The following FGF12 variants were observed in gnomAD, a reference collection of about 807,000 sequenced individuals.
FGF12 encodes the protein fibroblast growth factor 12.
Under a neutral mutation model 23.6 loss-of-function variants are expected in FGF12, and 14 were observed. That is an observed-to-expected ratio of 0.59 (90% CI 0.39 to 0.93). The LOEUF is 0.93. Ranked by LOEUF, FGF12 falls within the 40% of genes least tolerant of loss-of-function variation. The probability of loss-of-function intolerance (pLI) is 0.00; values close to 1 mark genes in which losing one functional copy is unlikely to be tolerated. For synonymous variants in FGF12, 62 were observed against 77.3 expected, an observed-to-expected ratio of 0.80 and a Z score of 1.04; for missense variants, 175 against 217.8, an observed-to-expected ratio of 0.80 and a Z score of 1.24.
chr3:192,523,170 G>A (rs1724863710), intron 2 of FGF12, among the ~76,000 whole-genome samples: 1 of 152,150 alleles, frequency 6.6e-6, no homozygotes, highest in East Asian at 1.9e-4. Flanking sequence ...GACTAGAAAT[G>A]TTATTTCTAA....
At chr3:192,675,605 T>G (rs1717301958) in intron 2 of FGF12, among the ~76,000 whole-genome samples, 1 of 152,048 alleles carries the variant, frequency 6.6e-6, no homozygotes, top group South Asian at 2.1e-4. Context: ...AGAATACAGG[T>G]TTTTATGCCT....
chr3:192,724,848 G>A (rs1233942924), intron 2 of FGF12, among the ~76,000 whole-genome samples: 5 of 152,172 alleles, frequency 3.3e-5, no homozygotes, highest in Admixed American at 6.5e-5. Context: ...AAGTGTTGGC[G>A]ATGGGATTCA....
At chr3:192,605,679 C>T (rs1714311009) in intron 2 of FGF12, among the ~76,000 whole-genome samples, 1 of 152,080 alleles carries the variant, frequency 6.6e-6, no homozygotes, top group East Asian at 1.9e-4. Flanking sequence ...TTTAAAAAGG[C>T]CCAACAAAAA....
chr3:192,433,628 A>G (rs1478593583), intron 2 of FGF12, among the ~76,000 whole-genome samples: 1 of 152,240 alleles, frequency 6.6e-6, no homozygotes, highest in Non-Finnish European at 1.5e-5. Flanking sequence ...CTTATTTTTA[A>G]TTGTGAAAGT....
chr3:192,397,970 T>C (rs1200994177), intron 2 of FGF12, among the ~76,000 whole-genome samples: 4 of 152,226 alleles, frequency 2.6e-5, no homozygotes, highest in Admixed American at 2.6e-4. Context: ...TTTATGAACT[T>C]TTTAGTCTAT....
At chr3:192,660,548 T>C (rs898727351) in intron 2 of FGF12, among the ~76,000 whole-genome samples, 9 of 150,340 alleles carry the variant, frequency 6.0e-5, no homozygotes, top group East Asian at 5.9e-4. Context: ...TAGGACGTAA[T>C]GTAAAGTTGT....
At chr3:192,365,274 A>C (rs979564616) in intron 2 of FGF12, among the ~76,000 whole-genome samples, 4 of 152,066 alleles carry the variant, frequency 2.6e-5, no homozygotes, top group Non-Finnish European at 4.4e-5. Context: ...AAAAAAAAAA[A>C]AACTATCAAT....
intron 4 of FGF12, among the ~76,000 whole-genome samples, chr3:192,311,275 C>T (rs553493685): frequency 2.6e-5 from 4 of 152,278 alleles, no homozygotes; most frequent in South Asian, 4.2e-4. Context: ...CACAAAGCAA[C>T]CCCACACCCT....
chr3:192,462,963 G>A (rs1722905505), intron 2 of FGF12, among the ~76,000 whole-genome samples: 2 of 152,166 alleles, frequency 1.3e-5, no homozygotes, highest in Non-Finnish European at 2.9e-5. Flanking sequence ...AGAGTTTGTG[G>A]GGATATGAAA....
At chr3:192,571,346 C>CA (rs1017699802) in intron 2 of FGF12, among the ~76,000 whole-genome samples, 8 of 152,112 alleles carry the variant, frequency 5.3e-5, no homozygotes, top group African/African-American at 1.7e-4. Context: ...CAAACCAAAA[C>CA]AAAAAAACCC....
At chr3:192,161,387 G>C (rs1318187347) in intron 5 of FGF12, among the ~76,000 whole-genome samples, 1 of 151,962 alleles carries the variant, frequency 6.6e-6, no homozygotes, top group African/African-American at 2.4e-5. Flanking sequence ...ATACACATTT[G>C]TATCTATGTC....
At chr3:192,298,451 T>A (rs1382149702) in intron 4 of FGF12, among the ~76,000 whole-genome samples, 4 of 152,290 alleles carry the variant, frequency 2.6e-5, no homozygotes, top group Admixed American at 2.6e-4. Flanking sequence ...TAATTTATTT[T>A]AAAAATAGGT....
intron 4 of FGF12, chr3:192,244,824 A>C (rs566672426): frequency 6.6e-6 from 1 of 152,298 alleles, no homozygotes; most frequent in Non-Finnish European, 1.5e-5. Context: ...GATGAACACA[A>C]CAGATGAAGC....
At chr3:192,659,014 G>A (rs1716551755) in intron 2 of FGF12, among the ~76,000 whole-genome samples, 1 of 152,174 alleles carries the variant, frequency 6.6e-6, no homozygotes. Flanking sequence ...TTCCCTATGT[G>A]CCTTGAGTGG....
At chr3:192,301,618 G>T (rs368038215) in intron 4 of FGF12, among the ~76,000 whole-genome samples, 3 of 152,152 alleles carry the variant, frequency 2.0e-5, no homozygotes, top group Admixed American at 2.0e-4. Flanking sequence ...GCATAGTCTC[G>T]TGGTCAGTGG....
At chr3:192,651,159 T>G (rs533387789) in intron 2 of FGF12, among the ~76,000 whole-genome samples, 1 of 152,240 alleles carries the variant, frequency 6.6e-6, no homozygotes, top group African/African-American at 2.4e-5. Flanking sequence ...CTTGGGTCAA[T>G]GGGTTGATAG....
intron 5 of FGF12, 25 bp downstream of exon 5, chr3:192,170,433 C>T (rs1455336656): frequency 6.2e-7 from 1 of 1,607,278 alleles, no homozygotes; most frequent in African/African-American, 1.3e-5. Flanking sequence ...AAGGGTCCAA[C>T]AAAGACAGTC....
At chr3:192,583,604 GA>G (rs912454979) in intron 2 of FGF12, among the ~76,000 whole-genome samples, 7 of 151,016 alleles carry the variant, frequency 4.6e-5, no homozygotes, top group South Asian at 2.1e-4. Flanking sequence ...AAATGGATCA[GA>G]AAAAAAAATG....
intron 2 of FGF12, among the ~76,000 whole-genome samples, chr3:192,363,045 C>G (rs2108735470): frequency 6.7e-6 from 1 of 149,500 alleles, no homozygotes; most frequent in African/African-American, 2.5e-5. Context: ...ACAATGAGAA[C>G]ACTTGGACAC....
Sources: gnomAD v4.1 joint callset for allele counts (sites outside exome capture counted in the v4.1 genomes callset) on GRCh38, gnomAD v4.1.1 for gene constraint, MANE v1.5 for transcripts, NCBI Gene and HGNC (gene_info 2026-07-23, HGNC 2026-07-21) for gene names.